The following SPDYA variants were observed in gnomAD, a reference collection of about 807,000 sequenced individuals.
SPDYA encodes speedy/RINGO cell cycle regulator family member A, also known as speedy protein A.
In SPDYA, 11 loss-of-function variants were observed where a neutral mutation model predicts 36.7. The observed-to-expected ratio is 0.30, with a 90% confidence interval of 0.19 to 0.50. The LOEUF is 0.50. Among genes scored for constraint, SPDYA ranks in the 20% least tolerant of loss-of-function variants. The pLI is 0.98. For missense variants in SPDYA, 287 were observed against 370.9 expected (o/e 0.77, Z 1.86); for synonymous variants, 115 against 118.7 (o/e 0.97, Z 0.20).
chr2:28,828,644 G>A (rs535487713), intron 5 of SPDYA, among the ~76,000 whole-genome samples: 1 of 152,340 alleles, frequency 6.6e-6, no homozygotes, highest in Admixed American at 6.5e-5. Flanking sequence ...AGAATGCTGA[G>A]TTTCATATGT....
rs1355170906 is a variant in SPDYA, at chr2:28,824,939, A to G, written c.380+2529A>G. On this transcript the variant is annotated intron_variant, in intron 5 of 7. Transcript: ENST00000334056. ...AAAATTTAGGATGATTGCTAAATATAATAGTATTAGGTAATACTGAGTACT... is the reference window on the plus strand; with the variant it reads ...AAAATTTAGGATGATTGCTAAATATGATAGTATTAGGTAATACTGAGTACT... Among the ~76,000 whole-genome samples the G allele has an allele frequency of 2.0e-5, 3 of 152,222 alleles. No individual in the cohort carries two copies. In the East Asian group the frequency reaches 5.8e-4, roughly 29 times the overall value.
chr2:28,829,089 G>GA, intron 5 of SPDYA, 59 bp from the exon 6 acceptor site: 1 of 1,485,798 alleles, frequency 6.7e-7, no homozygotes. Context: ...TGGTGTATGT[G>GA]AACTACCTGT....
intron 7 of SPDYA, among the ~76,000 whole-genome samples, chr2:28,845,234 T>A (rs1046374160): frequency 1.3e-5 from 2 of 148,746 alleles, no homozygotes; most frequent in Non-Finnish European, 3.0e-5. Context: ...TACAGGCACG[T>A]GCCACCATGC....
At chr2:28,829,074 T>A (rs1421225404) in intron 5 of SPDYA, 74 bp from the exon 6 acceptor site, 13 of 1,331,932 alleles carry the variant, frequency 9.8e-6, no homozygotes, top group Admixed American at 4.7e-5. Context: ...ACCACTTTTA[T>A]GTCTTGGTGT....
At chr2:28,848,535 AAC>A (rs1359446297) in intron 7 of SPDYA, among the ~76,000 whole-genome samples, 1 of 152,232 alleles carries the variant, frequency 6.6e-6, no homozygotes, top group African/African-American at 2.4e-5. Context: ...GGGAATTTAT[AAC>A]AGTTTTAGTT....
At chr2:28,842,850 C>T (rs142080831) in intron 7 of SPDYA, among the ~76,000 whole-genome samples, 2 of 152,222 alleles carry the variant, frequency 1.3e-5, no homozygotes, top group African/African-American at 4.8e-5. Flanking sequence ...ACACATGATG[C>T]TACAGGAGTG....
rs775666363 is a variant in SPDYA, at chr2:28,840,215, G to A, written c.596G>A (p.Arg199His). ...ACCCATTATATCTGGCAAAGAGAAC[G>A]TTCTGTTCATCACAGTGGAGCTGTC... Reference protein sequence around the residue: ...APTHYIWQRERSVHHSGAVRN... With the variant: ...APTHYIWQREHSVHHSGAVRN... Residue 199 changes from arginine to histidine, a missense_variant, in exon 7 of 8, where the codon CGT becomes CAT. Arg to His is a conservative substitution (Grantham distance 29, BLOSUM62 0). Coordinates refer to ENST00000334056, the MANE Select transcript of SPDYA (RefSeq NM_182756.4). The A allele has an allele frequency of 5.0e-6, 8 of 1,614,156 alleles. No individual in the cohort carries two copies. Among genetic ancestry groups the A allele is most frequent in the East Asian group, 4.5e-5 (2 of 44,884 alleles).
intron 7 of SPDYA, among the ~76,000 whole-genome samples, chr2:28,845,878 A>T (rs1038608781): frequency 6.6e-6 from 1 of 152,094 alleles, no homozygotes; most frequent in Non-Finnish European, 1.5e-5. Context: ...ATCACCTTAT[A>T]TATGTATTAC....
At chr2:28,819,192 C>G in intron 4 of SPDYA, 86 bp downstream of exon 4, 2 of 1,025,506 alleles carry the variant, frequency 2.0e-6, no homozygotes, top group Non-Finnish European at 2.9e-6. Context: ...TAAGAATTTT[C>G]TATCTTATTA....
At chr2:28,826,611 C>CTTTTTTTTTTTTTTTTTT (rs777338299) in intron 5 of SPDYA, among the ~76,000 whole-genome samples, 7 of 75,344 alleles carry the variant, frequency 9.3e-5, no homozygotes, top group African/African-American at 1.2e-4. Flanking sequence ...TTCTTTCTCT[C>CTTTTTTTTTTTTTTTTTT]TTTTTTTTTT....
intron 6 of SPDYA, among the ~76,000 whole-genome samples, chr2:28,830,646 G>A (rs1668459485): frequency 6.6e-6 from 1 of 152,096 alleles, no homozygotes; most frequent in African/African-American, 2.4e-5. Flanking sequence ...GCTCAATAAA[G>A]TATGTGAAAT....
At position 28,810,892 on chromosome 2, in the gene SPDYA, C is replaced by G. The variant is rs1281178087; in HGVS notation, c.-148C>G. 6.6e-6 allele frequency: 1 copy of G among 152,282 alleles called. No homozygotes were observed. Among genetic ancestry groups the G allele is most frequent in the Non-Finnish European group, 1.5e-5 (1 of 68,098 alleles). The allele number at this position is 152,282 out of a possible 1,614,324, so 9.4% of individuals were successfully genotyped here. A position where few individuals can be genotyped will look rare whatever the true frequency, so the allele number is the denominator to read the frequency against. On this transcript the variant is annotated 5_prime_UTR_variant, in exon 1 of 8. Coordinates refer to ENST00000334056, the MANE Select transcript of SPDYA (RefSeq NM_182756.4). ...CCGTCTGAGGCCAGGAGCGCTGCGA[C>G]GGAGCCTTGACCGCCGTTGCCCGGC...
At chr2:28,818,004 A>C (rs1668030870) in intron 3 of SPDYA, among the ~76,000 whole-genome samples, 1 of 34,270 alleles carries the variant, frequency 2.9e-5, no homozygotes, top group Non-Finnish European at 8.9e-5. Flanking sequence ...TCTACAATAC[A>C]AAAAAAAAAA....
At chr2:28,838,649 G>A (rs1040092936) in intron 6 of SPDYA, among the ~76,000 whole-genome samples, 16 of 152,122 alleles carry the variant, frequency 1.1e-4, no homozygotes, top group African/African-American at 3.4e-4. Flanking sequence ...GTTAGTATGT[G>A]GAGAGACTAT....
rs926124642 is a variant in SPDYA at position 28,811,347 on chromosome 2, G to A, written c.-93+400G>A. On this transcript the variant is annotated intron_variant, in intron 1 of 7. Coordinates refer to ENST00000334056, the MANE Select transcript of SPDYA (RefSeq NM_182756.4). The surrounding 1 kb of genome is among the most constrained non-coding windows in gnomAD (Gnocchi z 4.2). The stretch of plus-strand genomic sequence containing the variant: ...GCTCCCGTCTCCACGTGTGCCTGCC[G>A]CCTTTATTGTGGGAGGAATGGAGAT... Among the ~76,000 whole-genome samples, 1 of 152,188 alleles carries A rather than the reference G, an allele frequency of 6.6e-6. No individual in the cohort carries two copies. The highest frequency in any genetic ancestry group is 2.4e-5 in the African/African-American group (1 of 41,462).
At chr2:28,819,897 TATATA>T (rs1668113298) in intron 4 of SPDYA, among the ~76,000 whole-genome samples, 1 of 97,762 alleles carries the variant, frequency 1.0e-5, no homozygotes, top group African/African-American at 4.1e-5. Context: ...TATATATATA[TATATA>T]TTTTATCCTG....
At chr2:28,824,353 T>A (rs1393757541) in intron 5 of SPDYA, among the ~76,000 whole-genome samples, 1 of 151,640 alleles carries the variant, frequency 6.6e-6, no homozygotes. Flanking sequence ...GGCATGTGCC[T>A]GTAGTGCCAG....
chr2:28,850,472 TA>T lies in SPDYA; in HGVS notation c.*535del. ...TTTTCTATTTTTTTCACAAAACTGT[TA>T]AAATATGAGTTACTCTCTTTATTGT... On this transcript the variant is annotated 3_prime_UTR_variant, in exon 8 of 8. Transcript: ENST00000334056. 9.4e-7 allele frequency: 1 copy of T among 1,068,316 alleles called. No individual in the cohort carries two copies. The highest frequency in any genetic ancestry group is 1.4e-6 in the Non-Finnish European group (1 of 728,628). The allele number at this position is 1,068,316 out of a possible 1,614,324, so 66.2% of individuals were successfully genotyped here.
rs186091337 is a variant in SPDYA at position 28,811,536 on chromosome 2, T to C, written c.-93+589T>C. ...TTCACGAAGATTCTCTTACATGACATCCAGTAGGACTGGAGGGCCCCTAGC... is the reference window on the plus strand; with the variant it reads ...TTCACGAAGATTCTCTTACATGACACCCAGTAGGACTGGAGGGCCCCTAGC... On this transcript the variant is annotated intron_variant, in intron 1 of 7. Coordinates refer to ENST00000334056, the MANE Select transcript of SPDYA (RefSeq NM_182756.4). The surrounding 1 kb of genome is among the most constrained non-coding windows in gnomAD (Gnocchi z 4.2). Among the ~76,000 whole-genome samples, 506 of 152,118 alleles carry C rather than the reference T, an allele frequency of 3.3e-3. 3 individuals are homozygous for C. Among genetic ancestry groups the C allele is most frequent in the African/African-American group, 1.0e-2 (414 of 41,518 alleles).
Sources: allele counts gnomAD v4.1 joint callset (sites outside exome capture counted in the v4.1 genomes callset), GRCh38; gene constraint gnomAD v4.1.1; non-coding constraint Gnocchi (gnomAD v3.1); transcripts MANE v1.5; gene names NCBI Gene and HGNC (gene_info 2026-07-23, HGNC 2026-07-21).